Variants in WDCP observed in about 807,000 individuals in gnomAD.
WDCP encodes WD repeat and coiled-coil-containing protein.
Under a neutral mutation model 41.6 loss-of-function variants are expected in WDCP, and 19 were observed. That is an observed-to-expected ratio of 0.46 (90% CI 0.32 to 0.67). WDCP has a LOEUF of 0.67. Ranked by LOEUF, WDCP falls within the 30% of genes least tolerant of loss-of-function variation. The probability of loss-of-function intolerance (pLI) is 0.04; values close to 1 mark genes in which losing one functional copy is unlikely to be tolerated. For missense variants in WDCP, 802 were observed against 850.7 expected (o/e 0.94, Z 0.71); for synonymous variants, 302 against 320.8 (o/e 0.94, Z 0.63).
intron 3 of WDCP, 33 bp downstream of exon 3, chr2:24,032,796 G>A (rs1397794313): frequency 8.0e-7 from 1 of 1,250,984 alleles, no homozygotes; most frequent in Non-Finnish European, 1.2e-6. Flanking sequence ...AGGCAAGGAT[G>A]TTAGCTAGGG....
intron 2 of WDCP, among the ~76,000 whole-genome samples, chr2:24,036,563 T>A (rs1347946484): frequency 2.0e-5 from 3 of 152,166 alleles, no homozygotes; most frequent in African/African-American, 7.2e-5. Context: ...ACTCTTCAAA[T>A]TTGCATTTCT....
At chr2:24,043,812 C>A (rs1294573223) in intron 1 of WDCP, among the ~76,000 whole-genome samples, 1 of 152,054 alleles carries the variant, frequency 6.6e-6, no homozygotes, top group East Asian at 1.9e-4. Context: ...CTCTACCAAC[C>A]TGGTGATTTG....
chr2:24,034,428 TAAATA>T (rs1469115675), intron 2 of WDCP, among the ~76,000 whole-genome samples: 4 of 151,854 alleles, frequency 2.6e-5, no homozygotes, highest in African/African-American at 9.7e-5. Flanking sequence ...TAAAAATAAA[TAAATA>T]AAATAAAAAT....
intron 2 of WDCP, among the ~76,000 whole-genome samples, chr2:24,034,700 A>G (rs185048599): frequency 6.6e-6 from 1 of 151,786 alleles, no homozygotes; most frequent in Non-Finnish European, 1.5e-5. Context: ...CAGCCTCCCA[A>G]GTAGCTGGGA....
At chr2:24,040,754 C>A (rs939242094) in intron 1 of WDCP, among the ~76,000 whole-genome samples, 3 of 152,210 alleles carry the variant, frequency 2.0e-5, no homozygotes, top group Non-Finnish European at 4.4e-5. Context: ...TGGTGACTCA[C>A]GCCTATAATC....
rs149090512 is a variant in WDCP at position 24,038,045 on chromosome 2, T to C, written c.1450A>G (p.Thr484Ala). ...CCAGGCCTTCCATTCTGACTACTGG[T>C]ATTAACTGTCAGCAACAGCCCTTTG... ...QNKGLLLTVN[T>A]SSQNGRPGRT... Residue 484 changes from threonine to alanine, a missense_variant, in exon 2 of 4, where the codon ACC becomes GCC. Transcript: ENST00000295148. 2.3e-4 allele frequency: 378 copies of C among 1,614,184 alleles called. 1 individual carries two copies. The highest frequency in any genetic ancestry group is 6.0e-4 in the Admixed American group (36 of 60,014).
chr2:24,034,777 G>A (rs560512110), intron 2 of WDCP, among the ~76,000 whole-genome samples: 3 of 152,058 alleles, frequency 2.0e-5, no homozygotes, highest in African/African-American at 7.2e-5. Flanking sequence ...GTTTTGCCAT[G>A]CTGCCCAGGC....
intron 2 of WDCP, 93 bp downstream of exon 2, chr2:24,037,584 G>A: frequency 7.5e-7 from 1 of 1,334,704 alleles, no homozygotes. Context: ...AGCTCAGTTA[G>A]AGCACCATCT....
intron 1 of WDCP, among the ~76,000 whole-genome samples, chr2:24,043,519 C>A (rs1352857675): frequency 3.5e-5 from 5 of 141,396 alleles, no homozygotes; most frequent in Admixed American, 3.4e-4. Context: ...AACAAAAAAC[C>A]CCCCAACAAT....
At chr2:24,045,600 C>CAAAAA (rs869243363) in intron 1 of WDCP, among the ~76,000 whole-genome samples, 1 of 64,408 alleles carries the variant, frequency 1.6e-5, no homozygotes, top group African/African-American at 6.3e-5. Flanking sequence ...GACTCCATCT[C>CAAAAA]AAAAAAAAAA....
At chr2:24,045,289 A>G (rs192502358) in intron 1 of WDCP, among the ~76,000 whole-genome samples, 1 of 152,266 alleles carries the variant, frequency 6.6e-6, no homozygotes, top group East Asian at 1.9e-4. Flanking sequence ...CATTAACCAG[A>G]GCATGTTTCA....
intron 1 of WDCP, among the ~76,000 whole-genome samples, chr2:24,042,642 G>A (rs1239817305): frequency 6.6e-6 from 1 of 151,432 alleles, no homozygotes; most frequent in Non-Finnish European, 1.5e-5. Flanking sequence ...CCGGGAGGTG[G>A]AGGTTGCAGT....
chr2:24,032,680 C>CAAT (rs374783835), intron 3 of WDCP, 149 bp downstream of exon 3: 57 of 617,964 alleles, frequency 9.2e-5, no homozygotes, highest in Middle Eastern at 2.7e-4. Flanking sequence ...GACCCTGTCT[C>CAAT]AATAATAATA....
At chr2:24,039,538 C>T (rs1663360000) in intron 1 of WDCP, 26 bp from the exon 2 acceptor site, 4 of 1,584,660 alleles carry the variant, frequency 2.5e-6, no homozygotes, top group East Asian at 4.5e-5. Flanking sequence ...AGGAAAGTTA[C>T]ACCATGAGAA....
rs367731925 is a variant in WDCP, at chr2:24,039,162, T to C, written c.333A>G (p.Ser111=). 1.2e-5 allele frequency: 20 copies of C among 1,614,124 alleles called. No individual in the cohort carries two copies. The highest frequency in any genetic ancestry group is 3.3e-4 in the Middle Eastern group (2 of 6,082). ...LTSQTCEIRG[S]LPILPQGCVW... ...CACAGCCCTGGGGAAGGATAGGTAG[T>C]GATCCTCTAATCTCACAAGTCTGAG... Residue 111 remains serine (S), a synonymous_variant, in exon 2 of 4, where the codon TCA becomes TCG. Coordinates refer to ENST00000295148, the MANE Select transcript of WDCP (RefSeq NM_025203.3).
Position 24,039,050 on chromosome 2 carries a change from C to A in WDCP, c.445G>T (p.Val149Leu). 1 of 1,614,144 alleles carries A rather than the reference C, an allele frequency of 6.2e-7. No individual in the cohort carries two copies. The highest frequency in any genetic ancestry group is 1.3e-5 in the African/African-American group (1 of 75,042). Residue 149 changes from valine (V) to leucine (L), a missense_variant, in exon 2 of 4, where the codon GTA becomes TTA. Physicochemically the swap from Val to Leu is conservative, Grantham distance 32. Around this residue, in one of 5 missense-constraint regions of WDCP, gnomAD observed 214 missense variants for 252.9 expected, o/e 0.85. Transcript: ENST00000295148. ...CCCTGGGTGTTGATGTCTGCCTTTA[C>A]CTGGGAATCATCAGAGTGAACATTA... ...FPNVHSDDSQ[V>L]KADINTQGRI...
At chr2:24,033,029 T>G (rs1663143980) in intron 2 of WDCP, 83 bp from the exon 3 acceptor site, 2 of 936,942 alleles carry the variant, frequency 2.1e-6, no homozygotes, top group Non-Finnish European at 3.4e-6. Flanking sequence ...GTGTAAATAG[T>G]TTTTTAAAAA....
At chr2:24,042,202 A>G (rs1330064131) in intron 1 of WDCP, among the ~76,000 whole-genome samples, 1 of 151,676 alleles carries the variant, frequency 6.6e-6, no homozygotes, top group African/African-American at 2.4e-5. Context: ...AGGAGCTCAA[A>G]ACCAGCCTGA....
chr2:24,035,353 C>T (rs1272420787), intron 2 of WDCP, among the ~76,000 whole-genome samples: 3 of 151,580 alleles, frequency 2.0e-5, no homozygotes, highest in Non-Finnish European at 4.4e-5. Flanking sequence ...AAATACATAA[C>T]TAAAGTCTGC....
Sources: allele counts gnomAD v4.1 joint callset (sites outside exome capture counted in the v4.1 genomes callset), GRCh38; gene constraint gnomAD v4.1.1; regional missense constraint gnomAD v4.1.1; transcripts MANE v1.5; gene names NCBI Gene and HGNC (gene_info 2026-07-23, HGNC 2026-07-21).